The following TLCD4 variants were observed in gnomAD, a reference collection of about 807,000 sequenced individuals.
The protein encoded by TLCD4 is TLC domain-containing protein 4.
A neutral mutation model predicts 24.2 loss-of-function variants in TLCD4; 7 were observed. The ratio of observed to expected loss-of-function variants is 0.29; its 90% CI spans 0.16 to 0.54. TLCD4 has a LOEUF of 0.54. Ranked by LOEUF, TLCD4 falls within the 20% of genes least tolerant of loss-of-function variation. TLCD4 has a pLI of 0.95. For missense variants in TLCD4, 259 were observed against 313.9 expected (o/e 0.82, Z 1.32); for synonymous variants, 103 against 106.4 (o/e 0.97, Z 0.20).
intron 5 of TLCD4, among the ~76,000 whole-genome samples, chr1:95,160,404 G>A (rs993130529): frequency 2.0e-5 from 3 of 152,164 alleles, no homozygotes; most frequent in African/African-American, 7.2e-5. Context: ...AGGAGATTTT[G>A]GGCTGAGACG....
At chr1:95,109,534 C>T in the TLCD4 span, among the ~76,000 whole-genome samples, 3 of 148,248 alleles carry the variant, frequency 2.0e-5, no homozygotes, top group South Asian at 6.4e-4. Flanking sequence ...GTTGCCCAGG[C>T]TGGAGTTCAG....
chr1:95,165,621 A>G (rs1677992711), intron 5 of TLCD4, among the ~76,000 whole-genome samples: 1 of 152,038 alleles, frequency 6.6e-6, no homozygotes, highest in Non-Finnish European at 1.5e-5. Context: ...ACCTGCCACC[A>G]TGCCCGGCTA....
At chr1:95,187,963 G>T (rs565494774) in intron 6 of TLCD4, among the ~76,000 whole-genome samples, 1 of 151,948 alleles carries the variant, frequency 6.6e-6, no homozygotes, top group Non-Finnish European at 1.5e-5. Flanking sequence ...GGAGAACTTT[G>T]GTCTCTCCTT....
intron 5 of TLCD4, among the ~76,000 whole-genome samples, chr1:95,155,916 A>G (rs974860100): frequency 8.5e-5 from 13 of 152,118 alleles, no homozygotes; most frequent in Non-Finnish European, 2.9e-5. Flanking sequence ...ATAAGATACT[A>G]TTTAAAAATT....
chr1:95,102,541 T>C, the TLCD4 span, among the ~76,000 whole-genome samples: 35 of 152,282 alleles, frequency 2.3e-4, no homozygotes, highest in East Asian at 4.4e-3. Context: ...ATATATTTTA[T>C]TGCATTTGAA....
Position 95,147,885 on chromosome 1 carries a change from A to G in TLCD4, c.156-817A>G, listed in dbSNP as rs544748890. On this transcript the variant is annotated intron_variant, in intron 2 of 6. Transcript: ENST00000370203. ...AAGTATAGTTCTCTAAGTAACATAG[A>G]GCTTGGGAATTAGTCACATCATTAA... Among the ~76,000 whole-genome samples the G allele has an allele frequency of 4.6e-5, 7 of 152,310 alleles. No individual in the cohort carries two copies. The South Asian group carries it at 1.0e-3, about 23-fold the overall frequency.
At position 95,196,584 on chromosome 1, in the gene TLCD4, T is replaced by C. The variant is rs1266388873; in HGVS notation, c.*4716T>C. The C allele has an allele frequency of 6.6e-6, 1 of 152,198 alleles. No individual in the cohort carries two copies. The highest frequency in any genetic ancestry group is 1.5e-5 in the Non-Finnish European group (1 of 68,036). The allele number at this position is 152,198 out of a possible 1,614,324, so 9.4% of individuals were successfully genotyped here. ...AGCTCCTAAAGATTGGTTTGTTTGC[T>C]TTGAAAATGTTTACACTTATTCACT... is the stretch of plus-strand genomic sequence containing the variant. On this transcript the variant is annotated 3_prime_UTR_variant, in exon 7 of 7. Coordinates refer to ENST00000370203, the MANE Select transcript of TLCD4 (RefSeq NM_152487.3).
At chr1:95,105,482 A>G in the TLCD4 span, among the ~76,000 whole-genome samples, 10 of 152,350 alleles carry the variant, frequency 6.6e-5, no homozygotes, top group Non-Finnish European at 1.3e-4. Context: ...GTGGGTTTTG[A>G]TAATTAGGCA....
At chr1:95,119,279 G>A (rs538014816) in intron 1 of TLCD4, among the ~76,000 whole-genome samples, 27 of 152,324 alleles carry the variant, frequency 1.8e-4, no homozygotes, top group Middle Eastern at 3.4e-3. Context: ...CTGGAGTACA[G>A]ATGCAAGAGT....
the TLCD4 span, among the ~76,000 whole-genome samples, chr1:95,108,733 C>T: frequency 2.0e-5 from 3 of 152,262 alleles, no homozygotes; most frequent in South Asian, 2.1e-4. Flanking sequence ...TTTCCAGGTG[C>T]TATCCATTTA....
At chr1:95,183,609 C>G (rs140461618) in intron 6 of TLCD4, among the ~76,000 whole-genome samples, 1 of 152,066 alleles carries the variant, frequency 6.6e-6, no homozygotes, top group South Asian at 2.1e-4. Flanking sequence ...GAGGCCGAGG[C>G]GAGCAGATCA....
chr1:95,127,302 A>G (rs1452189166), intron 1 of TLCD4, among the ~76,000 whole-genome samples: 1 of 152,204 alleles, frequency 6.6e-6, no homozygotes, highest in Non-Finnish European at 1.5e-5. Context: ...ACAAGAAGAA[A>G]AAAAGAAGGC....
At chr1:95,184,482 C>T (rs1347005631) in intron 6 of TLCD4, among the ~76,000 whole-genome samples, 1 of 152,126 alleles carries the variant, frequency 6.6e-6, no homozygotes, top group Non-Finnish European at 1.5e-5. Context: ...TACGATACCT[C>T]TACACAATTA....
At chr1:95,115,098 A>G (rs983777034), upstream of TLCD4, among the ~76,000 whole-genome samples, 105 of 147,550 alleles carry the variant, frequency 7.1e-4, 1 homozygote, top group African/African-American at 2.4e-3. Context: ...TTATATATAT[A>G]TATATATAAT....
At chr1:95,093,013 A>T in the TLCD4 span, among the ~76,000 whole-genome samples, 1 of 152,260 alleles carries the variant, frequency 6.6e-6, no homozygotes, top group Non-Finnish European at 1.5e-5. Context: ...TGCTGGGATT[A>T]CAGGTGTGAG....
At chr1:95,092,902 CTACTTTT>C in the TLCD4 span, among the ~76,000 whole-genome samples, 1 of 152,146 alleles carries the variant, frequency 6.6e-6, no homozygotes, top group Non-Finnish European at 1.5e-5. Flanking sequence ...CCATGCCCAG[CTACTTTT>C]TGTATTTTTA....
chr1:95,173,794 G>A (rs148953995), intron 5 of TLCD4, 22 bp from the exon 6 acceptor site: 1,088 of 1,613,710 alleles, frequency 6.7e-4, no homozygotes, highest in Non-Finnish European at 8.6e-4. Flanking sequence ...CCTTGACGTT[G>A]TGTTTTATGT....
the TLCD4 span, among the ~76,000 whole-genome samples, chr1:95,104,681 G>A: frequency 4.7e-4 from 33 of 70,440 alleles, no homozygotes; most frequent in Non-Finnish European, 9.0e-4. Flanking sequence ...AAAAAAAAAA[G>A]CGTTTAACAT....
intron 6 of TLCD4, among the ~76,000 whole-genome samples, chr1:95,176,483 G>A (rs974372981): frequency 6.6e-6 from 1 of 152,148 alleles, no homozygotes; most frequent in Admixed American, 6.5e-5. Context: ...GAGCCACTGA[G>A]CCAAGCCCTT....
Sources: allele counts gnomAD v4.1 joint callset (sites outside exome capture counted in the v4.1 genomes callset), GRCh38; gene constraint gnomAD v4.1.1; transcripts MANE v1.5; gene names NCBI Gene and HGNC (gene_info 2026-07-23, HGNC 2026-07-21).